Variants in MEI4 observed in about 807,000 individuals in gnomAD.
MEI4 encodes the protein meiosis-specific protein MEI4.
A neutral mutation model predicts 31.4 loss-of-function variants in MEI4; 27 were observed. That is an observed-to-expected ratio of 0.86 (90% CI 0.63 to 1.19). MEI4 has a LOEUF of 1.19. MEI4 is among the 50% of genes most tolerant of loss of function. MEI4 has a pLI of 0.00. For synonymous variants in MEI4, 122 were observed against 145.4 expected, an observed-to-expected ratio of 0.84 and a Z score of 1.16; for missense variants, 329 against 398.9, an observed-to-expected ratio of 0.82 and a Z score of 1.49.
At chr6:77,653,660 C>T (rs1008172543) in intron 1 of MEI4, among the ~76,000 whole-genome samples, 1 of 152,058 alleles carries the variant, frequency 6.6e-6, no homozygotes, top group African/African-American at 2.4e-5. Context: ...AAAAATGGGC[C>T]TTCTATGATG....
At chr6:77,900,770 T>C (rs1766170655) in intron 4 of MEI4, among the ~76,000 whole-genome samples, 1 of 152,006 alleles carries the variant, frequency 6.6e-6, no homozygotes, top group African/African-American at 2.4e-5. Flanking sequence ...TTCAGGTATA[T>C]ACTTATTGTC....
chr6:77,889,214 C>A (rs533692301), intron 4 of MEI4, among the ~76,000 whole-genome samples: 1 of 152,220 alleles, frequency 6.6e-6, no homozygotes, highest in Non-Finnish European at 1.5e-5. Context: ...GGGTAATAGG[C>A]AGAGGTTGGA....
intron 2 of MEI4, among the ~76,000 whole-genome samples, chr6:77,731,931 T>C (rs1189346634): frequency 1.3e-5 from 2 of 150,742 alleles, no homozygotes; most frequent in South Asian, 2.1e-4. Flanking sequence ...AAAGATCAGA[T>C]AGTTGTACAT....
chr6:77,832,423 A>T (rs1291599130), intron 4 of MEI4, among the ~76,000 whole-genome samples: 1 of 152,000 alleles, frequency 6.6e-6, no homozygotes, highest in Non-Finnish European at 1.5e-5. Context: ...CAGAGGATAG[A>T]TCTGTTTAAT....
intron 1 of MEI4, among the ~76,000 whole-genome samples, chr6:77,674,749 AT>A (rs1437071995): frequency 3.3e-5 from 5 of 152,176 alleles, no homozygotes; most frequent in East Asian, 3.9e-4. Flanking sequence ...ATTAAAAAAA[AT>A]AATAGATCTT....
At chr6:77,734,338 A>T (rs926451981) in intron 2 of MEI4, among the ~76,000 whole-genome samples, 1 of 152,054 alleles carries the variant, frequency 6.6e-6, no homozygotes, top group South Asian at 2.1e-4. Flanking sequence ...TTTAGGATAT[A>T]TATTTAGGAT....
rs987153284 is a variant in MEI4, at chr6:77,877,137, ATTAT to A, written c.901-45945_901-45942del. Among the ~76,000 whole-genome samples, 107 of 152,276 alleles carry A rather than the reference ATTAT, an allele frequency of 7.0e-4. 1 individual carries two copies. The highest frequency in any genetic ancestry group is 2.5e-3 in the African/African-American group (102 of 41,562). On this transcript the variant is annotated intron_variant, in intron 4 of 4. Transcript: ENST00000684080. Reference sequence around the variant, plus strand: ...CGTAGAAATACCCACTTTGAATTTAATTATTTATTTCACAAAGATATAAAAAACT... The same window carrying A: ...CGTAGAAATACCCACTTTGAATTTAATTATTTCACAAAGATATAAAAAACT...
intron 2 of MEI4, among the ~76,000 whole-genome samples, chr6:77,713,755 T>C (rs943986684): frequency 4.6e-5 from 7 of 152,206 alleles, no homozygotes; most frequent in African/African-American, 1.7e-4. Context: ...TGCTATTCTT[T>C]TGTTCTGATT....
chr6:77,756,280 A>G (rs2127680345), intron 2 of MEI4, among the ~76,000 whole-genome samples: 1 of 152,290 alleles, frequency 6.6e-6, no homozygotes, highest in African/African-American at 2.4e-5. Flanking sequence ...GAAAATATTT[A>G]ATCTTTTCTA....
At chr6:77,887,879 T>A (rs1771661956) in intron 4 of MEI4, among the ~76,000 whole-genome samples, 1 of 152,212 alleles carries the variant, frequency 6.6e-6, no homozygotes, top group African/African-American at 2.4e-5. Flanking sequence ...AATTGCCAAC[T>A]GTTATTGCAT....
At chr6:77,726,633 A>T (rs537385753) in intron 2 of MEI4, among the ~76,000 whole-genome samples, 3 of 152,270 alleles carry the variant, frequency 2.0e-5, no homozygotes, top group African/African-American at 7.2e-5. Flanking sequence ...GGGAGACATT[A>T]AAGGACCGTG....
chr6:77,846,291 T>C (rs1034201521), intron 4 of MEI4, among the ~76,000 whole-genome samples: 2 of 152,070 alleles, frequency 1.3e-5, no homozygotes, highest in Admixed American at 6.6e-5. Flanking sequence ...TTCATCACAT[T>C]CCATTTTGAT....
In MEI4 at chr6:77,925,246, A is replaced by T. The variant is rs9343697; in HGVS notation, c.*1900A>T. ...CAAGGTCTGAAAATTAGCCTAGGAA[A>T]TATATTTATTATAAAAGAAGATGCA... On this transcript the variant is annotated 3_prime_UTR_variant, in exon 5 of 5. Transcript: ENST00000684080. The T allele has an allele frequency of 6.6e-6, 1 of 151,836 alleles. No homozygotes were observed. The highest frequency in any genetic ancestry group is 1.5e-5 in the Non-Finnish European group (1 of 67,902). The allele number at this position is 151,836 out of a possible 1,614,324, so 9.4% of individuals were successfully genotyped here.
At chr6:77,825,458 T>G (rs1769921712) in intron 3 of MEI4, among the ~76,000 whole-genome samples, 1 of 152,160 alleles carries the variant, frequency 6.6e-6, no homozygotes, top group East Asian at 1.9e-4. Flanking sequence ...ATTTCCCAAG[T>G]CACAGTCTAA....
At chr6:77,881,099 T>A (rs74726997) in intron 4 of MEI4, among the ~76,000 whole-genome samples, 2 of 135,110 alleles carry the variant, frequency 1.5e-5, no homozygotes, top group Admixed American at 7.6e-5. Flanking sequence ...TTTTTTTTTT[T>A]AAAGCCTATG....
chr6:77,876,693 G>A (rs1771349103), intron 4 of MEI4, among the ~76,000 whole-genome samples: 1 of 152,078 alleles, frequency 6.6e-6, no homozygotes, highest in African/African-American at 2.4e-5. Context: ...TCCCTTAAAT[G>A]CGGTGCACCT....
chr6:77,756,600 TCTCC>T (rs1454787854), intron 2 of MEI4, among the ~76,000 whole-genome samples: 2 of 151,326 alleles, frequency 1.3e-5, no homozygotes, highest in Admixed American at 1.3e-4. Flanking sequence ...TCTCTCTTTC[TCTCC>T]CTCCCTCCCT....
chr6:77,785,769 C>T (rs1404320150), intron 3 of MEI4, among the ~76,000 whole-genome samples: 1 of 152,106 alleles, frequency 6.6e-6, no homozygotes, highest in Admixed American at 6.6e-5. Flanking sequence ...CAGGCTCTTA[C>T]TTTTACAGCT....
chr6:77,773,850 G>C (rs1768374774), intron 3 of MEI4, among the ~76,000 whole-genome samples: 1 of 151,874 alleles, frequency 6.6e-6, no homozygotes, highest in Non-Finnish European at 1.5e-5. Flanking sequence ...TTTTTAAATG[G>C]GCAAATATCT....
Sources: gnomAD v4.1 joint callset for allele counts (sites outside exome capture counted in the v4.1 genomes callset) on GRCh38, gnomAD v4.1.1 for gene constraint, MANE v1.5 for transcripts, NCBI Gene and HGNC (gene_info 2026-07-23, HGNC 2026-07-21) for gene names.